Variants in LRP1B observed in about 807,000 individuals in gnomAD.
LRP1B encodes the protein LDL receptor related protein 1B.
LRP1B carries 217 observed loss-of-function variants against 556.6 expected under a neutral mutation model. That is an observed-to-expected ratio of 0.39 (90% CI 0.35 to 0.44). The LOEUF is 0.44. LRP1B is among the 20% of genes least tolerant of loss of function. The pLI is 1.00. For missense variants in LRP1B, 5,053 were observed against 5,620.8 expected (o/e 0.90, Z 3.23); for synonymous variants, 2,047 against 1,865.8 (o/e 1.10, Z -2.50).
intron 1 of LRP1B, among the ~76,000 whole-genome samples, chr2:142,080,103 A>G (rs1705657085): frequency 6.6e-6 from 1 of 152,132 alleles, no homozygotes; most frequent in South Asian, 2.1e-4. Flanking sequence ...GTGGTTAAAA[A>G]AAAAAACCCC....
At chr2:141,538,124 G>A (rs16846430) in intron 2 of LRP1B, among the ~76,000 whole-genome samples, 5 of 152,100 alleles carry the variant, frequency 3.3e-5, no homozygotes, top group South Asian at 2.1e-4. Flanking sequence ...GCATATATGC[G>A]TACATTCATA....
At chr2:141,909,836 A>C (rs899942952) in intron 1 of LRP1B, among the ~76,000 whole-genome samples, 3 of 152,070 alleles carry the variant, frequency 2.0e-5, no homozygotes, top group Non-Finnish European at 4.4e-5. Flanking sequence ...CATAGTAGAC[A>C]CTGAAGTCAT....
intron 2 of LRP1B, among the ~76,000 whole-genome samples, chr2:141,671,282 A>T (rs993666052): frequency 3.3e-5 from 5 of 152,178 alleles, no homozygotes; most frequent in African/African-American, 9.7e-5. Flanking sequence ...AAGATAATCT[A>T]AGGTCAGATT....
chr2:141,455,951 T>A (rs1202724222), intron 3 of LRP1B, among the ~76,000 whole-genome samples: 1 of 152,196 alleles, frequency 6.6e-6, no homozygotes, highest in African/African-American at 2.4e-5. Context: ...TTACTGCCCA[T>A]GTGATAAGTG....
intron 84 of LRP1B, among the ~76,000 whole-genome samples, chr2:140,296,585 G>T (rs552882411): frequency 6.6e-6 from 1 of 152,224 alleles, no homozygotes; most frequent in African/African-American, 2.4e-5. Flanking sequence ...ATTTGCCGAG[G>T]CAGTAGGTCT....
chr2:141,840,232 A>T (rs1160129135), intron 1 of LRP1B, among the ~76,000 whole-genome samples: 1 of 146,740 alleles, frequency 6.8e-6, no homozygotes, highest in African/African-American at 2.5e-5. Context: ...CTAGGTCATT[A>T]GGTCATCGTA....
intron 1 of LRP1B, among the ~76,000 whole-genome samples, chr2:142,044,869 C>A (rs1417569606): frequency 6.6e-6 from 1 of 151,584 alleles, no homozygotes; most frequent in Non-Finnish European, 1.5e-5. Context: ...CTTTCTTGGG[C>A]ATACAGATAC....
At chr2:140,873,101 G>T (rs1693191163) in intron 25 of LRP1B, among the ~76,000 whole-genome samples, 1 of 151,906 alleles carries the variant, frequency 6.6e-6, no homozygotes, top group African/African-American at 2.4e-5. Context: ...TAAAATTTTT[G>T]GTAAAGTAGT....
rs751612392 is a variant in LRP1B, at chr2:141,480,547, A to G, written c.206-14T>C. Reference sequence around the variant, plus strand: ...CCTCCTCGGGACCTGAAAAGATGTAAAAAAGAACAGAATTATGTGTTAGCT... The same window carrying G: ...CCTCCTCGGGACCTGAAAAGATGTAGAAAAGAACAGAATTATGTGTTAGCT... On this transcript the variant is annotated splice_polypyrimidine_tract_variant and intron_variant, in intron 2 of 90. Coordinates refer to ENST00000389484, the MANE Select transcript of LRP1B (RefSeq NM_018557.3). 5 of 1,613,524 alleles carry G rather than the reference A, an allele frequency of 3.1e-6. No homozygotes were observed. The East Asian group carries it at 8.9e-5, about 29-fold the overall frequency.
intron 82 of LRP1B, among the ~76,000 whole-genome samples, chr2:140,318,949 T>C (rs554010930): frequency 6.6e-6 from 1 of 152,268 alleles, no homozygotes; most frequent in East Asian, 1.9e-4. Flanking sequence ...GTAGTAATAT[T>C]AGTAGTATTT....
At position 140,768,033 on chromosome 2, in the gene LRP1B, C is replaced by CA. The variant is rs200158038; in HGVS notation, c.5758+1179dup. 5.4e-3 allele frequency among the ~76,000 whole-genome samples: 816 copies of CA among 151,946 alleles called. 8 individuals carry two copies. The highest frequency in any genetic ancestry group is 0.019 in the African/African-American group (776 of 41,504). On this transcript the variant is annotated intron_variant, in intron 35 of 90. Coordinates refer to ENST00000389484, the MANE Select transcript of LRP1B (RefSeq NM_018557.3). ...TAATGAGATTTGATTAAAGTTTGATCAAAAACCACACTGAGATTTTGGCAA... is the reference window on the plus strand; with the variant it reads ...TAATGAGATTTGATTAAAGTTTGATCAAAAAACCACACTGAGATTTTGGCAA...
chr2:141,986,626 T>C (rs72852578), intron 1 of LRP1B, among the ~76,000 whole-genome samples: 4,250 of 152,120 alleles, frequency 0.028, 79 homozygotes, highest in Non-Finnish European at 0.042. Flanking sequence ...AAAAATCAAG[T>C]TGTTTCCTCT....
At chr2:140,633,062 CAAAAAAAAG>C (rs1683946724) in intron 41 of LRP1B, among the ~76,000 whole-genome samples, 1 of 111,968 alleles carries the variant, frequency 8.9e-6, no homozygotes, top group African/African-American at 3.5e-5. Context: ...GATTCAGTCT[CAAAAAAAAG>C]AAAAAAAAAA....
chr2:140,941,535 T>C (rs7600208), intron 20 of LRP1B, among the ~76,000 whole-genome samples: 2,043 of 152,224 alleles, frequency 0.013, 38 homozygotes, highest in African/African-American at 0.047. Context: ...AGAGCACCTA[T>C]GTAAAAGCCT....
intron 35 of LRP1B, among the ~76,000 whole-genome samples, chr2:140,721,195 C>G (rs1687388529): frequency 6.6e-6 from 1 of 151,944 alleles, no homozygotes; most frequent in African/African-American, 2.4e-5. Context: ...ATGTATGGTC[C>G]AATTTTAGCT....
chr2:140,705,925 T>G (rs1259259367), intron 37 of LRP1B, among the ~76,000 whole-genome samples: 1 of 152,090 alleles, frequency 6.6e-6, no homozygotes, highest in East Asian at 1.9e-4. Flanking sequence ...AAATAATAAT[T>G]TATTTGCTCC....
intron 1 of LRP1B, among the ~76,000 whole-genome samples, chr2:141,926,598 C>T (rs1453231098): frequency 2.0e-5 from 3 of 152,116 alleles, no homozygotes; most frequent in Non-Finnish European, 4.4e-5. Flanking sequence ...AATCTTTCAG[C>T]AAGTGTCTTA....
chr2:141,503,147 A>C (rs993113233), intron 2 of LRP1B, among the ~76,000 whole-genome samples: 1 of 148,308 alleles, frequency 6.7e-6, no homozygotes, highest in Non-Finnish European at 1.5e-5. Context: ...AAAATAATAT[A>C]TAATTATATA....
intron 87 of LRP1B, among the ~76,000 whole-genome samples, chr2:140,245,162 G>A (rs1681096785): frequency 6.6e-6 from 1 of 151,322 alleles, no homozygotes; most frequent in South Asian, 2.1e-4. Flanking sequence ...TTAAATTAGT[G>A]ATGGGAGAAA....
Sources: allele counts gnomAD v4.1 joint callset (sites outside exome capture counted in the v4.1 genomes callset), GRCh38; gene constraint gnomAD v4.1.1; transcripts MANE v1.5; gene names NCBI Gene and HGNC (gene_info 2026-07-23, HGNC 2026-07-21).